TXNL4B: variants seen among roughly 807,000 people sequenced by gnomAD.
The protein encoded by TXNL4B is thioredoxin-like protein 4B.
A neutral mutation model predicts 13.0 loss-of-function variants in TXNL4B; 12 were observed. That is an observed-to-expected ratio of 0.92 (90% CI 0.59 to 1.49). The LOEUF (loss-of-function observed/expected upper bound fraction) is 1.49, where lower values mean the gene tolerates loss of function less well. TXNL4B is among the 40% of genes most tolerant of loss of function. The probability of loss-of-function intolerance (pLI) is 0.00; values close to 1 mark genes in which losing one functional copy is unlikely to be tolerated. For missense variants in TXNL4B, 214 were observed against 173.6 expected, an observed-to-expected ratio of 1.23 and a Z score of -1.31; for synonymous variants, 59 against 58.9, an observed-to-expected ratio of 1.00 and a Z score of -0.01.
At chr16:72,090,309 T>A in intron 2 of TXNL4B, 1 of 473,666 alleles carries the variant, frequency 2.1e-6, no homozygotes, top group Non-Finnish European at 4.1e-6. Context: ...GGGGCTACTA[T>A]TATCCCACTA....
chr16:72,092,141 G>A (rs562819477), intron 1 of TXNL4B, among the ~76,000 whole-genome samples: 58 of 152,322 alleles, frequency 3.8e-4, no homozygotes, highest in African/African-American at 1.2e-3. Context: ...ATTAGGCCAG[G>A]CTCACCCCTG....
At chr16:72,087,326 T>TGTGTGTG (rs2041837744) in intron 3 of TXNL4B, 3 of 141,918 alleles carry the variant, frequency 2.1e-5, no homozygotes, top group African/African-American at 7.9e-5. Context: ...CCTTCCAATC[T>TGTGTGTG]TGTGTGTGTG....
At position 72,085,440 on chromosome 16, in the gene TXNL4B, G is replaced by T; in HGVS notation, c.*1197C>A. On this transcript the variant is annotated 3_prime_UTR_variant, in exon 4 of 4. Coordinates refer to ENST00000268483, the MANE Select transcript of TXNL4B (RefSeq NM_017853.3). Reference sequence around the variant, plus strand: ...TAAAGAGGAGCAGTAACTTGCCCACGGTTGCGCCAGGCACCCCTAGAAGAG... The same window carrying T: ...TAAAGAGGAGCAGTAACTTGCCCACTGTTGCGCCAGGCACCCCTAGAAGAG... The T allele has an allele frequency of 6.2e-6, 1 of 161,806 alleles. No individual in the cohort carries two copies. The highest frequency in any genetic ancestry group is 1.3e-5 in the Non-Finnish European group (1 of 74,714). 10.0% of individuals were successfully genotyped at this position (161,806 alleles called of 1,614,324 possible).
intron 3 of TXNL4B, 148 bp from the exon 4 acceptor site, chr16:72,086,950 A>G: frequency 1.5e-6 from 1 of 671,056 alleles, no homozygotes; most frequent in Non-Finnish European, 2.4e-6. Context: ...TTAATTTTTC[A>G]ATCATTTTTT....
intron 1 of TXNL4B, 83 bp downstream of exon 1, chr16:72,093,284 C>A (rs1334948507): frequency 6.6e-6 from 1 of 152,260 alleles, no homozygotes; most frequent in African/African-American, 2.4e-5. Flanking sequence ...TCTCCATTTT[C>A]CAAAATATCC....
chr16:72,090,883 G>A, intron 1 of TXNL4B, 97 bp from the exon 2 acceptor site: 1 of 964,190 alleles, frequency 1.0e-6, no homozygotes. Context: ...GTATTCACAT[G>A]GTATGAAAGA....
intron 3 of TXNL4B, among the ~76,000 whole-genome samples, chr16:72,088,037 T>C (rs1362927353): frequency 6.6e-6 from 1 of 152,216 alleles, no homozygotes; most frequent in Non-Finnish European, 1.5e-5. Context: ...GCCAGGATGG[T>C]CTCGATCTGC....
Position 72,086,360 on chromosome 16 carries a change from A to C in TXNL4B, c.*277T>G. ...GGTTCTGTATTAAAGGGATAAAGAA[A>C]AACATTAGAAAGAGAAGTTACAAAA... On this transcript the variant is annotated 3_prime_UTR_variant, in exon 4 of 4. Transcript: ENST00000268483. 3.4e-6 allele frequency: 1 copy of C among 291,542 alleles called. No homozygotes were observed. Among genetic ancestry groups the C allele is most frequent in the Non-Finnish European group, 6.4e-6 (1 of 155,966 alleles). The allele number at this position is 291,542 out of a possible 1,614,324, so 18.1% of individuals were successfully genotyped here.
At chr16:72,092,810 A>G (rs1001249964) in intron 1 of TXNL4B, among the ~76,000 whole-genome samples, 11 of 152,248 alleles carry the variant, frequency 7.2e-5, no homozygotes, top group Non-Finnish European at 1.2e-4. Flanking sequence ...TAAATAAACT[A>G]AAAAGTTAAG....
chr16:72,087,883 G>A (rs1353410091), intron 3 of TXNL4B, among the ~76,000 whole-genome samples: 1 of 151,948 alleles, frequency 6.6e-6, no homozygotes, highest in Non-Finnish European at 1.5e-5. Flanking sequence ...GCAGTGGCGC[G>A]CTCTCGGCTC....
intron 3 of TXNL4B, among the ~76,000 whole-genome samples, chr16:72,087,813 C>T (rs1170614060): frequency 6.6e-6 from 1 of 152,006 alleles, no homozygotes; most frequent in Non-Finnish European, 1.5e-5. Flanking sequence ...TACAGGCACC[C>T]ACCATCATGC....
At chr16:72,087,765 A>G (rs950645528) in intron 3 of TXNL4B, among the ~76,000 whole-genome samples, 1 of 152,058 alleles carries the variant, frequency 6.6e-6, no homozygotes, top group Non-Finnish European at 1.5e-5. Flanking sequence ...CCTGGGCTCA[A>G]GCGAATCTCC....
chr16:72,092,425 A>AC (rs1489278971), intron 1 of TXNL4B, among the ~76,000 whole-genome samples: 1 of 152,126 alleles, frequency 6.6e-6, no homozygotes, highest in Non-Finnish European at 1.5e-5. Context: ...TCTCCAAAAA[A>AC]AAAAAAAGGA....
intron 3 of TXNL4B, among the ~76,000 whole-genome samples, chr16:72,087,685 C>T (rs933579509): frequency 2.6e-5 from 4 of 151,524 alleles, no homozygotes; most frequent in Admixed American, 6.6e-5. Flanking sequence ...TGTTGTTTTG[C>T]GATGGAGCCT....
rs1457622219 is a variant in TXNL4B at position 72,085,596 on chromosome 16, C to T, written c.*1041G>A. 6.6e-6 allele frequency: 1 copy of T among 152,322 alleles called. No individual in the cohort carries two copies. Among genetic ancestry groups the T allele is most frequent in the Admixed American group, 6.5e-5 (1 of 15,306 alleles). 9.4% of individuals were successfully genotyped at this position (152,322 alleles called of 1,614,324 possible). On this transcript the variant is annotated 3_prime_UTR_variant, in exon 4 of 4. Transcript: ENST00000268483. The stretch of plus-strand genomic sequence containing the variant: ...TTTCTGCCTCAGGAAGAGGCAGCAG[C>T]TTCTGGGAAAAATCTGCTCCTGCTA...
intron 2 of TXNL4B, 73 bp from the exon 3 acceptor site, chr16:72,089,211 T>A: frequency 7.4e-7 from 1 of 1,349,586 alleles, no homozygotes; most frequent in Non-Finnish European, 1.0e-6. Context: ...AACTTGTTAC[T>A]ACAACAGAGT....
At chr16:72,090,892 G>A in intron 1 of TXNL4B, 106 bp from the exon 2 acceptor site, 10 of 898,408 alleles carry the variant, frequency 1.1e-5, no homozygotes, top group Non-Finnish European at 1.7e-5. Context: ...TGGTATGAAA[G>A]AAACATCATA....
chr16:72,090,988 T>G (rs2144107778), intron 1 of TXNL4B, among the ~76,000 whole-genome samples: 1 of 152,328 alleles, frequency 6.6e-6, no homozygotes, highest in Non-Finnish European at 1.5e-5. Flanking sequence ...GCCAGATAAC[T>G]GCTTTCATTA....
upstream of TXNL4B, chr16:72,093,786 CG>C (rs1374189667): frequency 6.6e-6 from 1 of 152,242 alleles, no homozygotes; most frequent in Admixed American, 6.5e-5. Context: ...CAAGGAGACT[CG>C]GAAGTGTCTG....
Sources: allele counts gnomAD v4.1 joint callset (sites outside exome capture counted in the v4.1 genomes callset), GRCh38; gene constraint gnomAD v4.1.1; transcripts MANE v1.5; gene names NCBI Gene and HGNC (gene_info 2026-07-23, HGNC 2026-07-21).